The following MGRN1 variants were observed in gnomAD, a reference collection of about 807,000 sequenced individuals.
The protein encoded by MGRN1 is E3 ubiquitin-protein ligase MGRN1.
A neutral mutation model predicts 69.2 loss-of-function variants in MGRN1; 29 were observed. The ratio of observed to expected loss-of-function variants is 0.42; its 90% confidence interval spans 0.31 to 0.57. The LOEUF (loss-of-function observed/expected upper bound fraction) is 0.57. Among genes scored for constraint, MGRN1 ranks in the 20% least tolerant of loss-of-function variants. MGRN1 has a pLI of 0.15. For synonymous variants in MGRN1, 470 were observed against 344.2 expected (o/e 1.37, Z -4.04); for missense variants, 998 against 796.2 (o/e 1.25, Z -3.05).
intron 10 of MGRN1, chr16:4,676,923 T>G (rs1213173093): frequency 1.3e-5 from 2 of 152,502 alleles, no homozygotes; most frequent in Admixed American, 6.5e-5. Context: ...TGTCTCAGTT[T>G]CCACAGCATG....
At chr16:4,668,821 C>T (rs1047660768) in intron 8 of MGRN1, among the ~76,000 whole-genome samples, 1 of 151,116 alleles carries the variant, frequency 6.6e-6, no homozygotes, top group Admixed American at 6.6e-5. Context: ...CAGACACACA[C>T]TCATACACAT....
At chr16:4,682,051 A>G (rs2079195763) in intron 13 of MGRN1, among the ~76,000 whole-genome samples, 1 of 152,226 alleles carries the variant, frequency 6.6e-6, no homozygotes, top group South Asian at 2.1e-4. Context: ...CTCGAGCAGG[A>G]AACTGCAGGG....
intron 4 of MGRN1, among the ~76,000 whole-genome samples, chr16:4,653,553 A>G (rs2078455873): frequency 6.6e-6 from 1 of 152,204 alleles, no homozygotes; most frequent in African/African-American, 2.4e-5. Context: ...CAGTGGCACA[A>G]TCTTGGCTCA....
intron 15 of MGRN1, 91 bp downstream of exon 15, chr16:4,683,360 C>A: frequency 6.8e-7 from 1 of 1,467,918 alleles, no homozygotes; most frequent in Non-Finnish European, 9.4e-7. Context: ...GGTGTTGGGC[C>A]AGCACCTCTT....
chr16:4,655,316 G>A (rs2078509031), intron 4 of MGRN1, among the ~76,000 whole-genome samples: 2 of 152,198 alleles, frequency 1.3e-5, no homozygotes, highest in Non-Finnish European at 2.9e-5. Context: ...CTACCAGAAA[G>A]GCTAGAGAGA....
In MGRN1 at chr16:4,650,413, C is replaced by T. The variant is rs779159728; in HGVS notation, c.137C>T (p.Thr46Ile). 6 of 1,613,760 alleles carry T rather than the reference C, an allele frequency of 3.7e-6. No individual in the cohort carries two copies. In the Admixed American group the frequency reaches 5.0e-5, roughly 13 times the overall value. ...TTCATGGGAGGAGAGAAATTCGACA[C>T]CCCCCACCCTGAAGGTTACCTCTTT... ...HFFMGGEKFD[T>I]PHPEGYLFGE... The change falls in exon 2 of 17, where the codon ACC becomes ATC. Residue 46 changes from threonine (T) to isoleucine (I), a missense_variant. Transcript: ENST00000262370.
At chr16:4,674,853 G>T (rs2079021986) in intron 10 of MGRN1, among the ~76,000 whole-genome samples, 1 of 147,786 alleles carries the variant, frequency 6.8e-6, no homozygotes, top group South Asian at 2.1e-4. Flanking sequence ...TGTTAGCCAG[G>T]ATGGTCTCGA....
Position 4,688,237 on chromosome 16 carries a change from C to T in MGRN1, c.1619-559C>T, listed in dbSNP as rs377246586. 829 of 985,844 alleles carry T rather than the reference C, an allele frequency of 8.4e-4. 4 individuals carry two copies. The African/African-American group carries it at 0.013, about 15-fold the overall frequency. The allele number at this position is 985,844 out of a possible 1,614,324, so 61.1% of individuals were successfully genotyped here. A position where few individuals can be genotyped will look rare whatever the true frequency, so the allele number is the denominator to read the frequency against. On this transcript the variant is annotated intron_variant, in intron 16 of 16. Coordinates refer to ENST00000262370, the MANE Select transcript of MGRN1 (RefSeq NM_015246.4). Reference sequence around the variant, plus strand: ...AGCACCATTGCCCAAGCCCCAGGGACGCCAGACCCATCTGGGGACAGCGCC... The same window carrying T: ...AGCACCATTGCCCAAGCCCCAGGGATGCCAGACCCATCTGGGGACAGCGCC...
intron 6 of MGRN1, 41 bp downstream of exon 6, chr16:4,664,816 T>C: frequency 6.2e-7 from 1 of 1,608,512 alleles, no homozygotes; most frequent in Non-Finnish European, 8.5e-7. Flanking sequence ...GTGCAGGCCG[T>C]GCAGGGAGGA....
chr16:4,666,099 G>C (rs2078799104), intron 7 of MGRN1, among the ~76,000 whole-genome samples: 1 of 151,834 alleles, frequency 6.6e-6, no homozygotes, highest in Admixed American at 6.6e-5. Flanking sequence ...AAAGTGCTTG[G>C]ATTACAGGTG....
chr16:4,635,942 G>A (rs552564826), intron 1 of MGRN1, among the ~76,000 whole-genome samples: 4 of 149,968 alleles, frequency 2.7e-5, no homozygotes, highest in African/African-American at 4.9e-5. Context: ...TACCGTGCCC[G>A]GCCTCAGCTA....
chr16:4,626,921 G>C (rs1475468557), intron 1 of MGRN1, among the ~76,000 whole-genome samples: 1 of 152,224 alleles, frequency 6.6e-6, no homozygotes, highest in Non-Finnish European at 1.5e-5. Context: ...CAGTCCACAG[G>C]TCCTCTCCAG....
At chr16:4,664,661 AG>A (rs2078758061) in intron 5 of MGRN1, 47 bp from the exon 6 acceptor site, 2 of 1,600,092 alleles carry the variant, frequency 1.2e-6, no homozygotes, top group African/African-American at 1.3e-5. Flanking sequence ...CCAGGCTTCC[AG>A]GCTTGGCTGT....
chr16:4,685,457 T>G (rs1473507137), intron 16 of MGRN1, among the ~76,000 whole-genome samples: 4 of 152,178 alleles, frequency 2.6e-5, no homozygotes, highest in Non-Finnish European at 4.4e-5. Context: ...GGGCAGGCAG[T>G]CGTCATCTGT....
At chr16:4,688,362 C>T (rs999270547) in intron 16 of MGRN1, 1 of 996,432 alleles carries the variant, frequency 1.0e-6, no homozygotes, top group African/African-American at 1.7e-5. Flanking sequence ...TGAGCACGGG[C>T]TTGTTCTCAC....
At chr16:4,662,978 C>T (rs1422101397) in intron 5 of MGRN1, among the ~76,000 whole-genome samples, 1 of 152,284 alleles carries the variant, frequency 6.6e-6, no homozygotes, top group East Asian at 1.9e-4. Context: ...TGTGGTCGGT[C>T]TTGGGAGGCA....
rs2079403209 is a variant in MGRN1, at chr16:4,689,164, TC to T, written c.*260del. 2 of 468,486 alleles carry T rather than the reference TC, an allele frequency of 4.3e-6. No individual in the cohort carries two copies. The highest frequency in any genetic ancestry group is 7.2e-6 in the Non-Finnish European group (2 of 278,042). The allele number at this position is 468,486 out of a possible 1,614,324, so 29.0% of individuals were successfully genotyped here. A position where few individuals can be genotyped will look rare whatever the true frequency, so the allele number is the denominator to read the frequency against. ...TCCATCCCTAGTTCAGAGCCCCCGT[TC>T]CCCAGGGTCCTGTGGGCTGAGCGGC... On this transcript the variant is annotated 3_prime_UTR_variant, in exon 17 of 17. Transcript: ENST00000262370.
chr16:4,682,732 G>A, intron 13 of MGRN1, 91 bp from the exon 14 acceptor site: 3 of 1,401,416 alleles, frequency 2.1e-6, no homozygotes, highest in Non-Finnish European at 2.8e-6. Context: ...GGCGTGTGCA[G>A]GGGCCCCCAG....
Position 4,671,409 on chromosome 16 carries a change from C to T in MGRN1, c.745C>T (p.Leu249Phe), listed in dbSNP as rs764378037. 14 of 1,613,958 alleles carry T rather than the reference C, an allele frequency of 8.7e-6. No individual in the cohort carries two copies. The highest frequency in any genetic ancestry group is 1.2e-5 in the Non-Finnish European group (14 of 1,179,992). Reference protein sequence around the residue: ...QKQIVDRVSYLLQEIYGIENK... With the variant: ...QKQIVDRVSYFLQEIYGIENK... Reference sequence around the variant, plus strand: ...TCTCCAGGTGGACCGGGTCAGCTACCTCCTGCAGGAGATCTATGGCATTGA... The same window carrying T: ...TCTCCAGGTGGACCGGGTCAGCTACTTCCTGCAGGAGATCTATGGCATTGA... The change falls in exon 9 of 17, where the codon CTC (leucine) becomes TTC (phenylalanine). Residue 249 changes from leucine (L) to phenylalanine (F), a missense_variant. Coordinates refer to ENST00000262370, the MANE Select transcript of MGRN1 (RefSeq NM_015246.4).
Sources: allele counts gnomAD v4.1 joint callset (sites outside exome capture counted in the v4.1 genomes callset), GRCh38; gene constraint gnomAD v4.1.1; transcripts MANE v1.5; gene names NCBI Gene and HGNC (gene_info 2026-07-23, HGNC 2026-07-21).